ABCC3: variants seen among roughly 807,000 people sequenced by gnomAD.
ABCC3 encodes the protein ATP binding cassette subfamily C member 3, also known as ATP-binding cassette sub-family C member 3.
In ABCC3, 121 loss-of-function variants were observed where a neutral mutation model predicts 165.3. The ratio of observed to expected loss-of-function variants is 0.73; its 90% confidence interval spans 0.63 to 0.85. The LOEUF (loss-of-function observed/expected upper bound fraction) is 0.85, where lower values mean the gene tolerates loss of function less well. Among genes scored for constraint, ABCC3 ranks in the 40% least tolerant of loss-of-function variants. The pLI, the probability that ABCC3 is intolerant of heterozygous loss-of-function variation, is 0.00. For missense variants in ABCC3, 1,869 were observed against 1,964.1 expected, an observed-to-expected ratio of 0.95 and a Z score of 0.92; for synonymous variants, 733 against 810.1, an observed-to-expected ratio of 0.90 and a Z score of 1.62.
intron 26 of ABCC3, among the ~76,000 whole-genome samples, chr17:50,682,689 C>T (rs1174779643): frequency 6.6e-6 from 1 of 152,198 alleles, no homozygotes; most frequent in Non-Finnish European, 1.5e-5. Flanking sequence ...ACACTAAGCA[C>T]TTCTTGGCCC....
Position 50,660,947 on chromosome 17 carries a change from G to T in ABCC3, c.831G>T (p.Gly277=). The T allele has an allele frequency of 6.2e-7, 1 of 1,609,664 alleles. No homozygotes were observed. The highest frequency in any genetic ancestry group is 2.2e-5 in the East Asian group (1 of 44,860). Reference sequence around the variant, plus strand: ...GACACAAGGCTTCAGCAGCACCTGGGAAAAATGCCTCCGGCGAGGACGAGG... The same window carrying T: ...GACACAAGGCTTCAGCAGCACCTGGTAAAAATGCCTCCGGCGAGGACGAGG... ...TARHKASAAP[G]KNASGEDEVL... The change falls in exon 8 of 31, where the codon GGG becomes GGT. Residue 277 remains glycine, a synonymous_variant. Coordinates refer to ENST00000285238, the MANE Select transcript of ABCC3 (RefSeq NM_003786.4).
At chr17:50,656,866 T>A (rs200351650) in intron 3 of ABCC3, 39 bp downstream of exon 3, 41 of 1,579,810 alleles carry the variant, frequency 2.6e-5, no homozygotes, top group Non-Finnish European at 3.3e-5. Flanking sequence ...GGGGGAGGTC[T>A]CCATTGGGTT....
intron 10 of ABCC3, 64 bp from the exon 11 acceptor site, chr17:50,665,089 G>C: frequency 6.9e-7 from 1 of 1,439,004 alleles, no homozygotes; most frequent in Non-Finnish European, 9.8e-7. Context: ...TTGCCTGTTG[G>C]GTTCTCTCTG....
At position 50,661,316 on chromosome 17, in the gene ABCC3, A is replaced by G. The variant is rs552251464; in HGVS notation, c.998+202A>G. On this transcript the variant is annotated intron_variant, in intron 8 of 30. Coordinates refer to ENST00000285238, the MANE Select transcript of ABCC3 (RefSeq NM_003786.4). ...CATTCAACTTAGAATTGCTGTGCAT[A>G]TACTATGTGCCGGGCACCGTGGTGT... 2.0e-4 allele frequency among the ~76,000 whole-genome samples: 30 copies of G among 152,374 alleles called. No individual in the cohort carries two copies. In the South Asian group the frequency reaches 6.0e-3, roughly 30 times the overall value.
At chr17:50,685,477 GT>G (rs1567839626) in intron 29 of ABCC3, among the ~76,000 whole-genome samples, 1 of 152,106 alleles carries the variant, frequency 6.6e-6, no homozygotes, top group Non-Finnish European at 1.5e-5. Context: ...TGAAGCTAAT[GT>G]TTTTTTCTTA....
chr17:50,658,374 C>A, intron 5 of ABCC3, 61 bp from the exon 6 acceptor site: 2 of 1,587,710 alleles, frequency 1.3e-6, no homozygotes, highest in Non-Finnish European at 1.7e-6. Context: ...CATTTCCCTA[C>A]TCTGCTTTGA....
At chr17:50,686,113 G>C (rs555539836) in intron 29 of ABCC3, among the ~76,000 whole-genome samples, 1 of 152,308 alleles carries the variant, frequency 6.6e-6, no homozygotes, top group South Asian at 2.1e-4. Context: ...AGAATCGCTT[G>C]AACCCTGGAG....
intron 29 of ABCC3, among the ~76,000 whole-genome samples, chr17:50,686,324 C>T (rs1182249082): frequency 1.3e-5 from 2 of 152,194 alleles, no homozygotes; most frequent in East Asian, 1.9e-4. Flanking sequence ...ATGATTTCCT[C>T]GCAGCAGTTC....
intron 1 of ABCC3, among the ~76,000 whole-genome samples, chr17:50,643,270 T>G (rs1966924307): frequency 6.6e-6 from 1 of 152,226 alleles, no homozygotes; most frequent in African/African-American, 2.4e-5. Flanking sequence ...CTGGAGTACC[T>G]GATCAGGCCT....
At chr17:50,636,284 A>T (rs999040763) in intron 1 of ABCC3, among the ~76,000 whole-genome samples, 2 of 152,078 alleles carry the variant, frequency 1.3e-5, no homozygotes, top group Admixed American at 1.3e-4. Flanking sequence ...GCACAGGTGT[A>T]TAAGTCTGGA....
chr17:50,676,696 T>C (rs917516935), intron 23 of ABCC3, 108 bp downstream of exon 23: 1 of 1,093,618 alleles, frequency 9.1e-7, no homozygotes, highest in African/African-American at 1.6e-5. Context: ...CATTACAGAG[T>C]TTTGTTAGGG....
intron 11 of ABCC3, among the ~76,000 whole-genome samples, chr17:50,667,317 G>A (rs575213738): frequency 6.6e-6 from 1 of 152,262 alleles, no homozygotes; most frequent in South Asian, 2.1e-4. Context: ...GCCTGGGGAG[G>A]CCGGTGCAGT....
At chr17:50,657,998 GATGC>G in intron 4 of ABCC3, 80 bp from the exon 5 acceptor site, 1 of 1,592,346 alleles carries the variant, frequency 6.3e-7, no homozygotes, top group Non-Finnish European at 8.6e-7. Flanking sequence ...AGAGGAGACT[GATGC>G]CCCAAGGGAC....
Position 50,668,001 on chromosome 17 carries a change from C to T in ABCC3, c.1774C>T (p.Leu592=). The change falls in exon 13 of 31, where the codon CTG becomes TTG. Residue 592 remains leucine, a synonymous_variant. Coordinates refer to ENST00000285238, the MANE Select transcript of ABCC3 (RefSeq NM_003786.4). ...LNMLPQLISN[L]TQASVSLKRI... ...CATGCTGCCCCAGTTAATCAGCAAC[C>T]TGACTCAGGTAACCCTGGGTAGGGC... The T allele has an allele frequency of 6.2e-7, 1 of 1,614,002 alleles. No homozygotes were observed. The highest frequency in any genetic ancestry group is 8.5e-7 in the Non-Finnish European group (1 of 1,179,910).
chr17:50,670,901 A>G (rs1967634102), intron 17 of ABCC3, among the ~76,000 whole-genome samples: 1 of 152,132 alleles, frequency 6.6e-6, no homozygotes, highest in African/African-American at 2.4e-5. Flanking sequence ...AAAAACATGG[A>G]ACACTGGGGA....
At chr17:50,659,434 C>T in intron 7 of ABCC3, 66 bp downstream of exon 7, 1 of 1,536,448 alleles carries the variant, frequency 6.5e-7, no homozygotes, top group South Asian at 1.2e-5. Context: ...GCAGAGGACG[C>T]TGGTAGACCT....
intron 1 of ABCC3, among the ~76,000 whole-genome samples, chr17:50,642,841 A>G (rs1966917628): frequency 6.6e-6 from 1 of 151,792 alleles, no homozygotes; most frequent in South Asian, 2.1e-4. Flanking sequence ...CAACATGCAC[A>G]CTCCCTTGTG....
In ABCC3 at chr17:50,656,017, C is replaced by G; in HGVS notation, c.222+9C>G. 6.2e-7 allele frequency: 1 copy of G among 1,611,330 alleles called. No homozygotes were observed. Among genetic ancestry groups the G allele is most frequent in the Non-Finnish European group, 8.5e-7 (1 of 1,178,174 alleles). ...TGTCCAAGCTCAAGATGGTCAGTGG[C>G]TCAGGGATCTCCTACCGATGGGGCT... is the stretch of plus-strand genomic sequence containing the variant. On this transcript the variant is annotated intron_variant, in intron 2 of 30. Transcript: ENST00000285238.
chr17:50,685,019 G>T (rs906361089), intron 29 of ABCC3, 144 bp downstream of exon 29: 4 of 938,270 alleles, frequency 4.3e-6, no homozygotes, highest in Non-Finnish European at 6.2e-6. Context: ...AGCATATTCC[G>T]TGTGCCAGGC....
Sources: gnomAD v4.1 joint callset for allele counts (sites outside exome capture counted in the v4.1 genomes callset) on GRCh38, gnomAD v4.1.1 for gene constraint, MANE v1.5 for transcripts, NCBI Gene and HGNC (gene_info 2026-07-23, HGNC 2026-07-21) for gene names.